Variants in RPRD1A observed in about 807,000 individuals in gnomAD.
The protein encoded by RPRD1A is regulation of nuclear pre-mRNA domain-containing protein 1A.
Under a neutral mutation model 37.8 loss-of-function variants are expected in RPRD1A, and 9 were observed. The ratio of observed to expected loss-of-function variants is 0.24; its 90% CI spans 0.14 to 0.42. The LOEUF (loss-of-function observed/expected upper bound fraction) is 0.42, where lower values mean the gene tolerates loss of function less well. Among genes scored for constraint, RPRD1A ranks in the 10% least tolerant of loss-of-function variants. RPRD1A has a pLI of 1.00. For missense variants in RPRD1A, 255 were observed against 371.0 expected (o/e 0.69, Z 2.57); for synonymous variants, 138 against 139.7 (o/e 0.99, Z 0.08).
intron 6 of RPRD1A, among the ~76,000 whole-genome samples, chr18:36,022,166 C>T (rs1456567485): frequency 6.6e-6 from 1 of 152,210 alleles, no homozygotes; most frequent in Admixed American, 6.5e-5. Flanking sequence ...CTCTTCAATT[C>T]TATGAAGCCT....
At chr18:36,066,211 T>C (rs2089027729) in intron 1 of RPRD1A, among the ~76,000 whole-genome samples, 1 of 152,220 alleles carries the variant, frequency 6.6e-6, no homozygotes, top group African/African-American at 2.4e-5. Context: ...GACGTTTTCA[T>C]AACCACAAAC....
At chr18:35,995,885 A>C (rs1909023195) in intron 6 of RPRD1A, among the ~76,000 whole-genome samples, 1 of 152,230 alleles carries the variant, frequency 6.6e-6, no homozygotes, top group African/African-American at 2.4e-5. Context: ...CCTGAAACAT[A>C]TGACTCCACT....
rs559903642 is a variant in RPRD1A at position 36,023,097 on chromosome 18, C to T, written c.789+3803G>A. On this transcript the variant is annotated intron_variant, in intron 6 of 6. Coordinates refer to ENST00000399022, the MANE Select transcript of RPRD1A (RefSeq NM_018170.5). ...CTTATAGATAAAAGAGCAATTTTGA[C>T]ATTCAAGTCTCACTATTTAAGAAAT... Among the ~76,000 whole-genome samples the T allele has an allele frequency of 3.9e-5, 6 of 152,350 alleles. 1 individual carries two copies. Among genetic ancestry groups the T allele is most frequent in the Admixed American group, 2.6e-4 (4 of 15,302 alleles).
At chr18:36,064,667 T>C (rs1301312212) in intron 1 of RPRD1A, among the ~76,000 whole-genome samples, 1 of 152,016 alleles carries the variant, frequency 6.6e-6, no homozygotes, top group Non-Finnish European at 1.5e-5. Context: ...ATCAGCTCTC[T>C]GTAAAATGGA....
chr18:36,055,265 AATG>A (rs1913680213), intron 1 of RPRD1A, among the ~76,000 whole-genome samples: 1 of 152,264 alleles, frequency 6.6e-6, no homozygotes, highest in Non-Finnish European at 1.5e-5. Context: ...TCTGAAGCAA[AATG>A]ATGTTCCTTT....
At chr18:36,001,053 T>TCCTA (rs577334136) in intron 6 of RPRD1A, among the ~76,000 whole-genome samples, 36 of 152,288 alleles carry the variant, frequency 2.4e-4, no homozygotes, top group African/African-American at 8.7e-4. Flanking sequence ...TCTCTGGCAT[T>TCCTA]CCTACTAGTG....
At chr18:36,038,300 G>A (rs1334497205) in intron 1 of RPRD1A, among the ~76,000 whole-genome samples, 1 of 152,210 alleles carries the variant, frequency 6.6e-6, no homozygotes, top group Non-Finnish European at 1.5e-5. Flanking sequence ...CTCAGGATTT[G>A]GTGCCCTACC....
At chr18:36,004,864 C>T (rs1322607531) in intron 6 of RPRD1A, among the ~76,000 whole-genome samples, 1 of 151,980 alleles carries the variant, frequency 6.6e-6, no homozygotes, top group Non-Finnish European at 1.5e-5. Context: ...GACCCTGCCA[C>T]TGCACTTCAG....
chr18:36,039,269 T>C, intron 1 of RPRD1A, among the ~76,000 whole-genome samples: 1 of 152,220 alleles, frequency 6.6e-6, no homozygotes, highest in East Asian at 1.9e-4. Context: ...TGTGAGTCAA[T>C]TAAATTTCTT....
intron 1 of RPRD1A, among the ~76,000 whole-genome samples, chr18:36,058,822 ACT>A (rs911557290): frequency 1.8e-4 from 27 of 152,186 alleles, no homozygotes; most frequent in African/African-American, 6.3e-4. Context: ...GCCTTTTTTC[ACT>A]CTCATTCTCT....
chr18:36,009,056 A>T (rs542689344), intron 6 of RPRD1A, among the ~76,000 whole-genome samples: 7 of 150,230 alleles, frequency 4.7e-5, no homozygotes, highest in South Asian at 4.2e-4. Context: ...CATTACTATA[A>T]TTTTTTTTTT....
intron 6 of RPRD1A, among the ~76,000 whole-genome samples, chr18:36,005,939 G>A (rs1028597476): frequency 6.8e-6 from 1 of 146,022 alleles, no homozygotes; most frequent in African/African-American, 2.5e-5. Flanking sequence ...AAAATGTGAG[G>A]AGCTGTTTAA....
intron 1 of RPRD1A, among the ~76,000 whole-genome samples, chr18:36,041,985 C>T (rs561518212): frequency 5.3e-5 from 8 of 152,324 alleles, no homozygotes; most frequent in African/African-American, 1.4e-4. Context: ...TCAAATTACA[C>T]AGTAGGGATG....
At chr18:35,995,622 T>C (rs1909004070) in intron 6 of RPRD1A, among the ~76,000 whole-genome samples, 1 of 152,226 alleles carries the variant, frequency 6.6e-6, no homozygotes, top group Non-Finnish European at 1.5e-5. Flanking sequence ...TAATTTGATA[T>C]TTGAAAAAGG....
chr18:36,040,690 T>C (rs1306941107), intron 1 of RPRD1A: 4 of 541,690 alleles, frequency 7.4e-6, no homozygotes, highest in Non-Finnish European at 1.3e-5. Context: ...CACAGGAATT[T>C]TGCCTTTCAT....
chr18:36,048,651 A>G (rs886127339), intron 1 of RPRD1A, among the ~76,000 whole-genome samples: 3 of 151,998 alleles, frequency 2.0e-5, no homozygotes, highest in Non-Finnish European at 2.9e-5. Flanking sequence ...CCTAAAAAAA[A>G]AAAAGAAAAA....
chr18:35,995,294 G>A (rs971834674), intron 6 of RPRD1A, among the ~76,000 whole-genome samples: 11 of 104,200 alleles, frequency 1.1e-4, no homozygotes, highest in African/African-American at 3.1e-4. Flanking sequence ...ACGGAGTTTC[G>A]CTTTTGTTGC....
intron 1 of RPRD1A, among the ~76,000 whole-genome samples, chr18:36,064,740 G>GCAA (rs1458008284): frequency 6.6e-6 from 1 of 152,182 alleles, no homozygotes; most frequent in Non-Finnish European, 1.5e-5. Context: ...CAAACCAGCA[G>GCAA]CAACAACCCG....
chr18:36,046,450 GA>G (rs1912959122), intron 1 of RPRD1A, among the ~76,000 whole-genome samples: 1 of 152,106 alleles, frequency 6.6e-6, no homozygotes, highest in Non-Finnish European at 1.5e-5. Context: ...TGGAAAGCCA[GA>G]ACTTCTACTT....
Sources: allele counts gnomAD v4.1 joint callset (sites outside exome capture counted in the v4.1 genomes callset), GRCh38; gene constraint gnomAD v4.1.1; transcripts MANE v1.5; gene names NCBI Gene and HGNC (gene_info 2026-07-23, HGNC 2026-07-21).